Variants in FNBP1L observed in about 807,000 individuals in gnomAD.
FNBP1L encodes formin binding protein 1 like.
A neutral mutation model predicts 91.2 loss-of-function variants in FNBP1L; 36 were observed. That is an observed-to-expected ratio of 0.39 (90% CI 0.30 to 0.52). The LOEUF is 0.52. Ranked by LOEUF, FNBP1L falls within the 20% of genes least tolerant of loss-of-function variation. The pLI, the probability that FNBP1L is intolerant of heterozygous loss-of-function variation, is 0.66. For missense variants in FNBP1L, 571 were observed against 732.1 expected, an observed-to-expected ratio of 0.78 and a Z score of 2.54; for synonymous variants, 242 against 237.0, an observed-to-expected ratio of 1.02 and a Z score of -0.19.
intron 11 of FNBP1L, among the ~76,000 whole-genome samples, chr1:93,541,925 C>T (rs891114495): frequency 6.6e-6 from 1 of 151,844 alleles, no homozygotes; most frequent in Non-Finnish European, 1.5e-5. Flanking sequence ...AATTTGAGAA[C>T]AGGGTTTGAT....
intron 1 of FNBP1L, among the ~76,000 whole-genome samples, chr1:93,450,989 A>G (rs1668476380): frequency 6.6e-6 from 1 of 152,208 alleles, no homozygotes; most frequent in African/African-American, 2.4e-5. Flanking sequence ...GGGGATATGA[A>G]TTAACTTGTA....
intron 5 of FNBP1L, among the ~76,000 whole-genome samples, chr1:93,526,933 A>G (rs1471124319): frequency 7.9e-5 from 12 of 152,158 alleles, no homozygotes; most frequent in Non-Finnish European, 1.6e-4. Flanking sequence ...TTGATTGGAA[A>G]ACACAGCTCT....
At chr1:93,550,400 T>G (rs1265374995) in intron 15 of FNBP1L, among the ~76,000 whole-genome samples, 1 of 152,138 alleles carries the variant, frequency 6.6e-6, no homozygotes, top group Admixed American at 6.5e-5. Flanking sequence ...AAGATTCAGT[T>G]GTGAAAATTG....
chr1:93,499,389 CA>C, intron 1 of FNBP1L, 78 bp from the exon 2 acceptor site: 1 of 903,894 alleles, frequency 1.1e-6, no homozygotes, highest in South Asian at 1.5e-5. Context: ...CTTCTCTGTA[CA>C]AATACCAGAA....
At chr1:93,505,613 C>T (rs2101730586) in intron 2 of FNBP1L, among the ~76,000 whole-genome samples, 1 of 152,230 alleles carries the variant, frequency 6.6e-6, no homozygotes, top group Admixed American at 6.5e-5. Context: ...ATTGTGGGAG[C>T]TAAGAGCATA....
chr1:93,515,620 A>G (rs1306750988), intron 2 of FNBP1L, among the ~76,000 whole-genome samples: 2 of 151,996 alleles, frequency 1.3e-5, no homozygotes, highest in Non-Finnish European at 2.9e-5. Flanking sequence ...TTGTAGGGAC[A>G]TGGATGAAAT....
rs1260764231 is a variant in FNBP1L at position 93,544,182 on chromosome 1, C to T, written c.1240C>T (p.Leu414Phe). 1 of 1,611,642 alleles carries T rather than the reference C, an allele frequency of 6.2e-7. No individual in the cohort carries two copies. The change falls in exon 12 of 17, where the codon CTT becomes TTT. Residue 414 changes from leucine to phenylalanine, a missense_variant. Leu to Phe is a conservative substitution (Grantham distance 22). Around this residue, in one of 5 missense-constraint regions of FNBP1L, gnomAD observed 150 missense variants for 155.9 expected, o/e 0.96. Transcript: ENST00000271234. ...RKKLQQRIDE[L>F]NRELQKESDQ... ...AAAACTACAGCAGCGCATTGATGAA[C>T]TTAACAGAGAACTACAGAAAGAATC...
chr1:93,466,016 G>A (rs1477859741), intron 1 of FNBP1L, among the ~76,000 whole-genome samples: 2 of 152,022 alleles, frequency 1.3e-5, no homozygotes, highest in African/African-American at 4.8e-5. Context: ...TGAGAAGTAT[G>A]TGTTCATATC....
rs2101771369 is a variant in FNBP1L, at chr1:93,544,232, G to C, written c.1274+16G>C. ...CAGACCAAAAGTATTATTCCTTTAA[G>C]TTTTCTCTATCATTATTATTTTAGG... On this transcript the variant is annotated intron_variant, in intron 12 of 16. Coordinates refer to ENST00000271234, the MANE Select transcript of FNBP1L (RefSeq NM_001164473.3). The C allele has an allele frequency of 6.4e-7, 1 of 1,556,930 alleles. No homozygotes were observed. Among genetic ancestry groups the C allele is most frequent in the Non-Finnish European group, 8.8e-7 (1 of 1,134,728 alleles).
In FNBP1L at chr1:93,533,082, A is replaced by T. The variant is rs1235906225; in HGVS notation, c.786+14A>T. Reference sequence around the variant, plus strand: ...GATGAAAGAAGAGTAAGTGCTAAATAATTATCTTTGAATGCATCTGTTTGG... The same window carrying T: ...GATGAAAGAAGAGTAAGTGCTAAATTATTATCTTTGAATGCATCTGTTTGG... On this transcript the variant is annotated intron_variant, in intron 8 of 16. Coordinates refer to ENST00000271234, the MANE Select transcript of FNBP1L (RefSeq NM_001164473.3). 1 of 1,564,734 alleles carries T rather than the reference A, an allele frequency of 6.4e-7. No individual in the cohort carries two copies. Among genetic ancestry groups the T allele is most frequent in the Non-Finnish European group, 8.7e-7 (1 of 1,149,874 alleles).
intron 2 of FNBP1L, among the ~76,000 whole-genome samples, chr1:93,515,946 CATA>C (rs1322563605): frequency 1.3e-5 from 2 of 151,820 alleles, no homozygotes; most frequent in Non-Finnish European, 2.9e-5. Flanking sequence ...TAAAAATTAC[CATA>C]ATAATTGACC....
intron 3 of FNBP1L, 42 bp downstream of exon 3, chr1:93,522,177 A>G (rs767909878): frequency 1.0e-6 from 1 of 994,346 alleles, no homozygotes; most frequent in Admixed American, 3.7e-5. Context: ...TAAAAAATTT[A>G]AAAATACTTA....
intron 2 of FNBP1L, among the ~76,000 whole-genome samples, chr1:93,515,567 A>G (rs1671064163): frequency 2.0e-5 from 3 of 152,080 alleles, no homozygotes; most frequent in South Asian, 2.1e-4. Context: ...CATATACACC[A>G]TGGAATACTA....
intron 1 of FNBP1L, among the ~76,000 whole-genome samples, chr1:93,486,851 TTTC>T (rs529167933): frequency 1.3e-5 from 2 of 152,214 alleles, no homozygotes; most frequent in Non-Finnish European, 1.5e-5. Flanking sequence ...ACTTAAGTGT[TTTC>T]TTTTCTTTCA....
At chr1:93,543,968 T>TG in intron 11 of FNBP1L, 139 bp from the exon 12 acceptor site, 1 of 364,622 alleles carries the variant, frequency 2.7e-6, no homozygotes. Context: ...TGTAGATTTC[T>TG]TTTTTTTTTA....
At chr1:93,532,791 A>G in intron 7 of FNBP1L, 131 bp from the exon 8 acceptor site, 1 of 561,726 alleles carries the variant, frequency 1.8e-6, no homozygotes. Context: ...AGCACTTGTT[A>G]AAAGGTATTA....
chr1:93,476,964 G>C (rs181601718), intron 1 of FNBP1L, among the ~76,000 whole-genome samples: 11 of 152,270 alleles, frequency 7.2e-5, no homozygotes, highest in African/African-American at 2.4e-4. Flanking sequence ...AAACAAGGCA[G>C]AGAAGTTAAA....
chr1:93,537,542 A>G (rs1671888483), intron 10 of FNBP1L, among the ~76,000 whole-genome samples: 2 of 152,302 alleles, frequency 1.3e-5, no homozygotes, highest in South Asian at 4.1e-4. Flanking sequence ...AACTGATGTT[A>G]CTAATGCAGC....
chr1:93,541,429 G>T (rs1459827746), intron 11 of FNBP1L, among the ~76,000 whole-genome samples: 1 of 152,058 alleles, frequency 6.6e-6, no homozygotes, highest in Non-Finnish European at 1.5e-5. Context: ...GTATAAATTT[G>T]ATTTGTAGTT....
Sources: gnomAD v4.1 joint callset for allele counts (sites outside exome capture counted in the v4.1 genomes callset) on GRCh38, gnomAD v4.1.1 for gene constraint, gnomAD v4.1.1 regional missense constraint, MANE v1.5 for transcripts, NCBI Gene and HGNC (gene_info 2026-07-23, HGNC 2026-07-21) for gene names.